PRKN: variants seen among roughly 807,000 people sequenced by gnomAD.
The protein encoded by PRKN is E3 ubiquitin-protein ligase parkin.
A neutral mutation model predicts 59.5 loss-of-function variants in PRKN; 56 were observed. That is an observed-to-expected ratio of 0.94 (90% CI 0.76 to 1.18). PRKN has a LOEUF of 1.18. Among genes scored for constraint, PRKN ranks in the 50% most tolerant of loss-of-function variants. The pLI is 0.00. For missense variants in PRKN, 657 were observed against 596.4 expected (o/e 1.10, Z -1.06); for synonymous variants, 250 against 222.1 (o/e 1.13, Z -1.12).
At chr6:162,265,150 T>C (rs150371517) in intron 2 of PRKN, 15 of 152,330 alleles carry the variant, frequency 9.8e-5, no homozygotes, top group African/African-American at 3.6e-4. Flanking sequence ...GTGTTTGTAC[T>C]TTTTTCCTTT....
At chr6:161,728,265 C>G (rs1202913659) in intron 7 of PRKN, among the ~76,000 whole-genome samples, 1 of 151,872 alleles carries the variant, frequency 6.6e-6, no homozygotes, top group African/African-American at 2.4e-5. Context: ...ACATTCCACA[C>G]CTATAGAAAT....
At chr6:161,757,931 C>CTATATATATATATATATATA (rs1789018975) in intron 7 of PRKN, among the ~76,000 whole-genome samples, 1 of 135,748 alleles carries the variant, frequency 7.4e-6, no homozygotes, top group African/African-American at 2.9e-5. Context: ...ATCTCTCTCT[C>CTATATATATATATATATATA]TGTATATATA....
chr6:162,578,570 A>G (rs1780654246), intron 1 of PRKN, among the ~76,000 whole-genome samples: 1 of 152,238 alleles, frequency 6.6e-6, no homozygotes, highest in South Asian at 2.1e-4. Context: ...AGAACAGGAA[A>G]GGAGTACAAG....
At chr6:162,633,432 CAAAAAAAAA>C (rs531688324) in intron 1 of PRKN, among the ~76,000 whole-genome samples, 5 of 61,846 alleles carry the variant, frequency 8.1e-5, no homozygotes, top group East Asian at 7.5e-4. Flanking sequence ...AAGACTGTCT[CAAAAAAAAA>C]AAAAAAAAAA....
At chr6:161,663,420 T>G (rs1784618582) in intron 7 of PRKN, among the ~76,000 whole-genome samples, 1 of 152,150 alleles carries the variant, frequency 6.6e-6, no homozygotes, top group Admixed American at 6.5e-5. Context: ...GTTCCAGAAC[T>G]TTTCAGATTT....
rs1210194809 is a variant in PRKN, at chr6:161,355,648, T to G, written c.1285+4440A>C. ...CCTGAATTCTTGAACTCAAGCGATC[T>G]GCCAGCCTCGGCCTCCCAAAGTGCT... is the stretch of plus-strand genomic sequence containing the variant. On this transcript the variant is annotated intron_variant, in intron 11 of 11. Coordinates refer to ENST00000366898, the MANE Select transcript of PRKN (RefSeq NM_004562.3). This position sits in a 1 kb window ranked among gnomAD's most constrained non-coding sequence, Gnocchi z 6.8. 6.6e-6 allele frequency among the ~76,000 whole-genome samples: 1 copy of G among 152,104 alleles called. No individual in the cohort carries two copies. Among genetic ancestry groups the G allele is most frequent in the Non-Finnish European group, 1.5e-5 (1 of 68,014 alleles).
chr6:162,215,323 G>T (rs1777595858), intron 3 of PRKN, among the ~76,000 whole-genome samples: 2 of 152,150 alleles, frequency 1.3e-5, no homozygotes, highest in Non-Finnish European at 1.5e-5. Context: ...GAAACTAATG[G>T]TGTGGTATAA....
chr6:161,744,741 T>C (rs1039053253), intron 7 of PRKN, among the ~76,000 whole-genome samples: 17 of 152,220 alleles, frequency 1.1e-4, no homozygotes, highest in African/African-American at 3.9e-4. Context: ...ATTAACGTTT[T>C]GTCAAGTGAC....
chr6:162,197,425 CTTTGA>C (rs773425562), intron 4 of PRKN, among the ~76,000 whole-genome samples: 8 of 152,124 alleles, frequency 5.3e-5, no homozygotes, highest in Non-Finnish European at 1.2e-4. Flanking sequence ...TATAAGTTAT[CTTTGA>C]TTTAATTGTC....
intron 2 of PRKN, among the ~76,000 whole-genome samples, chr6:162,373,151 AT>A (rs754804459): frequency 6.6e-6 from 1 of 151,468 alleles, no homozygotes; most frequent in African/African-American, 2.4e-5. Flanking sequence ...TTGGAAAAAA[AT>A]AATGGTTTAA....
chr6:161,383,117 T>C (rs1451689475), intron 10 of PRKN, among the ~76,000 whole-genome samples: 1 of 152,216 alleles, frequency 6.6e-6, no homozygotes, highest in Non-Finnish European at 1.5e-5. Flanking sequence ...GTGAGATGTG[T>C]AGAGTGTCAT....
At chr6:162,334,548 T>C (rs1285761305) in intron 2 of PRKN, among the ~76,000 whole-genome samples, 2 of 152,206 alleles carry the variant, frequency 1.3e-5, no homozygotes, top group Admixed American at 6.5e-5. Flanking sequence ...AGAATATTAC[T>C]GCTTATTGAC....
intron 7 of PRKN, among the ~76,000 whole-genome samples, chr6:161,743,862 G>A (rs961202054): frequency 1.3e-5 from 2 of 152,162 alleles, no homozygotes. Flanking sequence ...AATTCTGTTG[G>A]AGGCTTGCCC....
chr6:162,620,230 G>C (rs1332738246), intron 1 of PRKN, among the ~76,000 whole-genome samples: 4 of 151,966 alleles, frequency 2.6e-5, no homozygotes, highest in African/African-American at 7.3e-5. Flanking sequence ...ATATATTTAA[G>C]CTGTCTTGTT....
At chr6:162,090,833 C>A (rs1779462830) in intron 4 of PRKN, among the ~76,000 whole-genome samples, 1 of 152,062 alleles carries the variant, frequency 6.6e-6, no homozygotes, top group South Asian at 2.1e-4. Flanking sequence ...AAATGCTAGA[C>A]CCTAAGATTT....
At chr6:161,481,175 C>G (rs1791377392) in intron 9 of PRKN, among the ~76,000 whole-genome samples, 1 of 152,190 alleles carries the variant, frequency 6.6e-6, no homozygotes, top group Non-Finnish European at 1.5e-5. Context: ...CAAACCGTAT[C>G]AAGATTTTTT....
chr6:161,755,613 G>A (rs1788884045), intron 7 of PRKN, among the ~76,000 whole-genome samples: 1 of 151,972 alleles, frequency 6.6e-6, no homozygotes, highest in African/African-American at 2.4e-5. Flanking sequence ...AAATTATGAT[G>A]ATGATAATGA....
chr6:162,058,111 C>A (rs1305993273), intron 4 of PRKN, among the ~76,000 whole-genome samples: 1 of 152,160 alleles, frequency 6.6e-6, no homozygotes. Flanking sequence ...CTTTTTTAGA[C>A]AATTAGGAAA....
At chr6:161,985,320 T>C (rs1167490733) in intron 5 of PRKN, among the ~76,000 whole-genome samples, 3 of 152,212 alleles carry the variant, frequency 2.0e-5, no homozygotes, top group Non-Finnish European at 4.4e-5. Flanking sequence ...TAGTTGCATG[T>C]TTAGGCCAAG....
Sources: gnomAD v4.1 joint callset for allele counts (sites outside exome capture counted in the v4.1 genomes callset) on GRCh38, gnomAD v4.1.1 for gene constraint, Gnocchi (gnomAD v3.1) non-coding constraint, MANE v1.5 for transcripts, NCBI Gene and HGNC (gene_info 2026-07-23, HGNC 2026-07-21) for gene names.